The following GRAMD1C variants were observed in gnomAD, a reference collection of about 807,000 sequenced individuals.
GRAMD1C encodes protein Aster-C.
GRAMD1C carries 89 observed loss-of-function variants against 97.8 expected under a neutral mutation model. The observed-to-expected ratio is 0.91, with a 90% CI of 0.77 to 1.09. The LOEUF is 1.09. Among genes scored for constraint, GRAMD1C ranks in the 50% least tolerant of loss-of-function variants. The probability of loss-of-function intolerance (pLI) is 0.00; values close to 1 mark genes in which losing one functional copy is unlikely to be tolerated. For synonymous variants in GRAMD1C, 256 were observed against 267.0 expected (o/e 0.96, Z 0.40); for missense variants, 740 against 766.4 (o/e 0.97, Z 0.41).
At chr3:113,887,099 T>G (rs1461674450) in intron 6 of GRAMD1C, among the ~76,000 whole-genome samples, 12 of 139,568 alleles carry the variant, frequency 8.6e-5, no homozygotes, top group East Asian at 8.3e-4. Flanking sequence ...TTTTTTTGTT[T>G]TTTTTTTTTT....
At chr3:113,932,009 G>T (rs917397306) in intron 11 of GRAMD1C, among the ~76,000 whole-genome samples, 1 of 152,188 alleles carries the variant, frequency 6.6e-6, no homozygotes. Context: ...AGAGTTAGGG[G>T]CCAAATAACT....
chr3:113,831,743 T>A (rs1218371290), intron 1 of GRAMD1C, among the ~76,000 whole-genome samples: 1 of 147,982 alleles, frequency 6.8e-6, no homozygotes, highest in African/African-American at 2.4e-5. Context: ...AGTTATTGTA[T>A]TTTTCAGCTC....
chr3:113,885,532 G>A, intron 6 of GRAMD1C: 1 of 1,605,336 alleles, frequency 6.2e-7, no homozygotes, highest in East Asian at 2.2e-5. Context: ...CCACCATGAT[G>A]GGGTCCTGAG....
intron 6 of GRAMD1C, chr3:113,890,630 G>T (rs1397054623): frequency 4.8e-6 from 3 of 628,396 alleles, no homozygotes; most frequent in Non-Finnish European, 8.7e-6. Context: ...ATACTAACTT[G>T]TTGAGTGCTC....
chr3:113,852,267 CACA>C (rs1197844024), intron 2 of GRAMD1C, among the ~76,000 whole-genome samples: 2 of 151,990 alleles, frequency 1.3e-5, no homozygotes, highest in African/African-American at 2.4e-5. Context: ...TGTTGTCCTC[CACA>C]ACAACATGTC....
At chr3:113,831,066 G>A (rs895964003) in intron 1 of GRAMD1C, among the ~76,000 whole-genome samples, 1 of 152,188 alleles carries the variant, frequency 6.6e-6, no homozygotes, top group Admixed American at 6.5e-5. Flanking sequence ...TCCAGCCTGG[G>A]TGACAGAGCA....
intron 6 of GRAMD1C, among the ~76,000 whole-genome samples, chr3:113,900,409 A>ATTATTATTATTATTATTATT (rs1936120494): frequency 7.3e-6 from 1 of 137,464 alleles, no homozygotes; most frequent in South Asian, 2.6e-4. Context: ...AGTATGAACA[A>ATTATTATTATTATTATTATT]ATTATTATTA....
chr3:113,922,338 G>A (rs1168780128), intron 10 of GRAMD1C, among the ~76,000 whole-genome samples: 1 of 152,162 alleles, frequency 6.6e-6, no homozygotes, highest in African/African-American at 2.4e-5. Context: ...CTCCTAGAGT[G>A]CTGAGATTAC....
chr3:113,886,349 T>G (rs755431131), intron 6 of GRAMD1C, among the ~76,000 whole-genome samples: 1 of 152,208 alleles, frequency 6.6e-6, no homozygotes. Flanking sequence ...GTGACAGACG[T>G]ACGGTGATCC....
chr3:113,838,826 A>C lies in GRAMD1C; in HGVS notation c.-84A>C. ...GCGGAGGAGGCGCGCGGAGCCTGTA[A>C]CTCGCAGCGCGCGCTGGAGGTGGGC... is the stretch of plus-strand genomic sequence containing the variant. On this transcript the variant is annotated 5_prime_UTR_variant, in exon 1 of 18. Transcript: ENST00000358160. The C allele has an allele frequency of 9.6e-7, 1 of 1,036,458 alleles. No homozygotes were observed. Among genetic ancestry groups the C allele is most frequent in the South Asian group, 4.8e-5 (1 of 20,804 alleles). The allele number at this position is 1,036,458 out of a possible 1,614,324, so 64.2% of individuals were successfully genotyped here.
chr3:113,882,569 A>G (rs1935307453), intron 5 of GRAMD1C, among the ~76,000 whole-genome samples, 183 bp from the exon 6 acceptor site: 1 of 152,200 alleles, frequency 6.6e-6, no homozygotes, highest in African/African-American at 2.4e-5. Flanking sequence ...CACCTTGTTC[A>G]TATAGCAACT....
chr3:113,927,010 A>G (rs1366143463), intron 10 of GRAMD1C, among the ~76,000 whole-genome samples: 1 of 152,158 alleles, frequency 6.6e-6, no homozygotes, highest in Non-Finnish European at 1.5e-5. Flanking sequence ...GCCAGCAGCC[A>G]GGATGGCATG....
chr3:113,936,190 T>A, intron 13 of GRAMD1C, 76 bp from the exon 14 acceptor site: 1 of 800,666 alleles, frequency 1.2e-6, no homozygotes. Flanking sequence ...TTATCAAAAA[T>A]AACCACCAAA....
chr3:113,944,964 ATGAC>A (rs949676123), intron 17 of GRAMD1C, among the ~76,000 whole-genome samples: 6 of 152,256 alleles, frequency 3.9e-5, no homozygotes, highest in Non-Finnish European at 7.3e-5. Flanking sequence ...TATAGGCAGA[ATGAC>A]TGGGGAAAAC....
intron 10 of GRAMD1C, among the ~76,000 whole-genome samples, chr3:113,921,603 T>C (rs1048510229): frequency 6.6e-6 from 1 of 152,218 alleles, no homozygotes; most frequent in Non-Finnish European, 1.5e-5. Context: ...CCTTTTTCTC[T>C]GCAACCTCAC....
At chr3:113,831,678 T>A (rs1709559411) in intron 1 of GRAMD1C, among the ~76,000 whole-genome samples, 1 of 152,174 alleles carries the variant, frequency 6.6e-6, no homozygotes, top group Non-Finnish European at 1.5e-5. Flanking sequence ...AGTTGCTGAT[T>A]TGTTCCTCTG....
At chr3:113,835,608 C>T (rs1293945175), upstream of GRAMD1C, among the ~76,000 whole-genome samples, 1 of 152,146 alleles carries the variant, frequency 6.6e-6, no homozygotes, top group Non-Finnish European at 1.5e-5. Context: ...TGTGGTTATT[C>T]TGATTGGGTA....
chr3:113,857,989 T>C (rs1335614720), intron 2 of GRAMD1C, among the ~76,000 whole-genome samples: 1 of 152,210 alleles, frequency 6.6e-6, no homozygotes, highest in African/African-American at 2.4e-5. Flanking sequence ...TGGTTTAGTA[T>C]TGGGGTAATA....
intron 17 of GRAMD1C, among the ~76,000 whole-genome samples, chr3:113,942,388 T>TG (rs1937846333): frequency 6.6e-6 from 1 of 152,210 alleles, no homozygotes; most frequent in African/African-American, 2.4e-5. Context: ...TGGTAGCCCT[T>TG]GCTTATCTTC....
Sources: gnomAD v4.1 joint callset for allele counts (sites outside exome capture counted in the v4.1 genomes callset) on GRCh38, gnomAD v4.1.1 for gene constraint, MANE v1.5 for transcripts, NCBI Gene and HGNC (gene_info 2026-07-23, HGNC 2026-07-21) for gene names.